Variants in AIFM3 observed in about 807,000 individuals in gnomAD.
AIFM3 encodes the protein AIF family member 3, also known as apoptosis-inducing factor 3.
A neutral mutation model predicts 82.7 loss-of-function variants in AIFM3; 71 were observed. That is an observed-to-expected ratio of 0.86 (90% CI 0.71 to 1.05). The LOEUF is 1.05. AIFM3 is among the 50% of genes least tolerant of loss of function. The probability of loss-of-function intolerance (pLI) is 0.00; values close to 1 mark genes in which losing one functional copy is unlikely to be tolerated. For synonymous variants in AIFM3, 337 were observed against 329.1 expected (o/e 1.02, Z -0.26); for missense variants, 748 against 816.7 (o/e 0.92, Z 1.03).
chr22:20,972,780 C>G (rs1182291388), intron 2 of AIFM3, among the ~76,000 whole-genome samples: 1 of 152,146 alleles, frequency 6.6e-6, no homozygotes, highest in Non-Finnish European at 1.5e-5. Context: ...TGTGGTAGCT[C>G]AAGCCTGTAA....
Position 20,979,366 on chromosome 22 carries a change from G to T in AIFM3, c.1573G>T (p.Ala525Ser), listed in dbSNP as rs993896789. 1.3e-6 allele frequency: 2 copies of T among 1,552,958 alleles called. No individual in the cohort carries two copies. Among genetic ancestry groups the T allele is most frequent in the Non-Finnish European group, 1.7e-6 (2 of 1,148,326 alleles). Reference protein sequence around the residue: ...TAMFGKSLRYAGYGEGFDDVI... With the variant: ...TAMFGKSLRYSGYGEGFDDVI... ...CATGTTTGGCAAGAGCCTGCGCTAC[G>T]CGGGTAACCCCGGGGCCTCGGATGG... The change falls in exon 17 of 21, where the codon GCG (alanine) becomes TCG (serine). Residue 525 changes from alanine to serine, a missense_variant. Ala to Ser is a moderately conservative substitution (Grantham distance 99, BLOSUM62 1). Transcript: ENST00000440238.
In AIFM3 at chr22:20,977,889, T is replaced by C; in HGVS notation, c.1361T>C (p.Met454Thr). The change falls in exon 16 of 21, where the codon ATG becomes ACG. Residue 454 changes from methionine to threonine, a missense_variant and splice_region_variant. Transcript: ENST00000440238. ...GAGCTCTGGGCCCTCTCTCTACAGA[T>C]GATGCAGACCAATGTCCCAGGCGTG... is the stretch of plus-strand genomic sequence containing the variant. ...DSRGFIPVNK[M>T]MQTNVPGVFA... is the part of the protein sequence containing the mutation. The C allele has an allele frequency of 6.2e-7, 1 of 1,614,170 alleles. No homozygotes were observed. The highest frequency in any genetic ancestry group is 8.5e-7 in the Non-Finnish European group (1 of 1,180,014).
chr22:20,968,612 G>C (rs1923070342), intron 2 of AIFM3, among the ~76,000 whole-genome samples: 1 of 152,066 alleles, frequency 6.6e-6, no homozygotes, highest in South Asian at 2.1e-4. Flanking sequence ...GGGAGGCCTG[G>C]GTCTTTTCTC....
rs114219271 is a variant in AIFM3 at position 20,973,648 on chromosome 22, G to A, written c.246-110G>A. 0.012 allele frequency: 16,157 copies of A among 1,402,298 alleles called. 1,554 individuals carry two copies. The African/African-American group carries it at 0.21, about 18-fold the overall frequency. The allele number at this position is 1,402,298 out of a possible 1,614,324, so 86.9% of individuals were successfully genotyped here. On this transcript the variant is annotated intron_variant, in intron 3 of 20. Transcript: ENST00000440238. ...AGCTGCTGCCCTGGTCACTGCCTTT[G>A]TGGCTTCTACCGGTCTGGGCCTGCT...
At chr22:20,978,212 TCA>T (rs1923825821) in intron 16 of AIFM3, among the ~76,000 whole-genome samples, 1 of 150,228 alleles carries the variant, frequency 6.7e-6, no homozygotes, top group Non-Finnish European at 1.5e-5. Flanking sequence ...CTCCTCAATC[TCA>T]GTTTTCCTTC....
In AIFM3 at chr22:20,976,517, G is replaced by A. The variant is rs200032972; in HGVS notation, c.1009G>A (p.Val337Ile). 1.4e-4 allele frequency: 231 copies of A among 1,613,646 alleles called. No homozygotes were observed. The highest frequency in any genetic ancestry group is 1.4e-4 in the Non-Finnish European group (164 of 1,180,026). ...VRLARGRNVV[V>I]VGAGFLGMEV... ...GCTGGCCCGAGGCCGCAACGTGGTCGTCGTGGGAGCCGGCTTCCTGGGTGA... is the reference window on the plus strand; with the variant it reads ...GCTGGCCCGAGGCCGCAACGTGGTCATCGTGGGAGCCGGCTTCCTGGGTGA... Residue 337 changes from valine (V) to isoleucine (I), a missense_variant, in exon 11 of 21, where the codon GTC (valine) becomes ATC (isoleucine). Coordinates refer to ENST00000440238, the MANE Select transcript of AIFM3 (RefSeq NM_001386814.1).
intron 2 of AIFM3, 100 bp from the exon 3 acceptor site, chr22:20,973,207 G>A: frequency 1.4e-6 from 2 of 1,381,432 alleles, no homozygotes; most frequent in South Asian, 1.3e-5. Flanking sequence ...GCAGGGCTGA[G>A]CCTCCTGGCA....
At position 20,967,837 on chromosome 22, in the gene AIFM3, C is replaced by T. The variant is rs1350108791; in HGVS notation, c.-108C>T. ...AGCAGCTCCAGCAGGATGGCGGCTCCAGCGTCTCTAAGGCCTGCAGGGGGT... is the reference window on the plus strand; with the variant it reads ...AGCAGCTCCAGCAGGATGGCGGCTCTAGCGTCTCTAAGGCCTGCAGGGGGT... On this transcript the variant is annotated 5_prime_UTR_variant, in exon 2 of 21. Transcript: ENST00000440238. 5.6e-6 allele frequency: 7 copies of T among 1,249,320 alleles called. No individual in the cohort carries two copies. The highest frequency in any genetic ancestry group is 7.0e-6 in the Non-Finnish European group (6 of 855,352). The allele number at this position is 1,249,320 out of a possible 1,614,324, so 77.4% of individuals were successfully genotyped here.
In AIFM3 at chr22:20,976,259, T is replaced by C; in HGVS notation, c.852T>C (p.Asp284=). ...DVRTKKVVFK[D]GFKLEYSKLL... is the part of the protein sequence containing the mutation. Reference sequence around the variant, plus strand: ...GAACTAAGAAGGTCGTGTTCAAGGATGGCTTCAAGCTGGAGTACAGCAAGC... The same window carrying C: ...GAACTAAGAAGGTCGTGTTCAAGGACGGCTTCAAGCTGGAGTACAGCAAGC... Residue 284 remains aspartate, a synonymous_variant, in exon 10 of 21, where the codon GAT becomes GAC. Coordinates refer to ENST00000440238, the MANE Select transcript of AIFM3 (RefSeq NM_001386814.1). 1 of 1,614,042 alleles carries C rather than the reference T, an allele frequency of 6.2e-7. No individual in the cohort carries two copies.
rs1180840196 is a variant in AIFM3 at position 20,973,463 on chromosome 22, G to T, written c.188G>T (p.Ser63Ile). 6.2e-7 allele frequency: 1 copy of T among 1,613,156 alleles called. No individual in the cohort carries two copies. Among genetic ancestry groups the T allele is most frequent in the Admixed American group, 1.7e-5 (1 of 60,026 alleles). ...ERLSTPHPYPSPQDCVEAAVC... is the reference protein window; with the variant it reads ...ERLSTPHPYPIPQDCVEAAVC... The stretch of plus-strand genomic sequence containing the variant: ...CTGTCCACCCCTCACCCCTACCCCA[G>T]CCCTCAGGATTGCGTGGAGGCTGCT... The change falls in exon 3 of 21, where the codon AGC (serine) becomes ATC (isoleucine). Residue 63 changes from serine (S) to isoleucine (I), a missense_variant. By Grantham distance (142) the Ser-to-Ile change is moderately radical (BLOSUM62 -2). Transcript: ENST00000440238.
intron 2 of AIFM3, among the ~76,000 whole-genome samples, chr22:20,968,798 C>T (rs1923082597): frequency 6.6e-6 from 1 of 151,012 alleles, no homozygotes; most frequent in Non-Finnish European, 1.5e-5. Context: ...GCCACGCTGC[C>T]CCAGCCAGCT....
rs765969561 is a variant in AIFM3, at chr22:20,974,862, G to C, written c.720+46G>C. On this transcript the variant is annotated intron_variant, in intron 8 of 20. Transcript: ENST00000440238. The stretch of plus-strand genomic sequence containing the variant: ...AGGGACCCTATCCCTCTGGGTCCCA[G>C]TTAAGCCCACTTCAAGCCTTGCTTG... 12 of 1,590,874 alleles carry C rather than the reference G, an allele frequency of 7.5e-6. No individual in the cohort carries two copies. In the Admixed American group the frequency reaches 1.9e-4, roughly 25 times the overall value.
At chr22:20,972,126 C>T (rs573183766) in intron 2 of AIFM3, among the ~76,000 whole-genome samples, 2 of 152,302 alleles carry the variant, frequency 1.3e-5, no homozygotes, top group Admixed American at 6.5e-5. Flanking sequence ...GAAATCGGGC[C>T]GGGAGTGGTG....
At chr22:20,980,590 A>G (rs8137006) in intron 19 of AIFM3, 157 bp from the exon 20 acceptor site, 1 of 865,376 alleles carries the variant, frequency 1.2e-6, no homozygotes, top group Non-Finnish European at 1.9e-6. Context: ...TCTGGGAGAG[A>G]GCTCCCAGGG....
intron 2 of AIFM3, among the ~76,000 whole-genome samples, chr22:20,971,570 G>A (rs913467673): frequency 5.3e-5 from 8 of 152,234 alleles, no homozygotes; most frequent in Non-Finnish European, 1.0e-4. Context: ...GACAGCTCAG[G>A]CAAAGGCCTG....
At chr22:20,972,416 A>G (rs1299751012) in intron 2 of AIFM3, among the ~76,000 whole-genome samples, 52 of 151,992 alleles carry the variant, frequency 3.4e-4, no homozygotes, top group Admixed American at 2.9e-3. Flanking sequence ...AAAAAAAAAA[A>G]AAGAAGAAGT....
chr22:20,975,750 A>T lies in AIFM3; in HGVS notation c.779A>T (p.Tyr260Phe). 1 of 1,613,488 alleles carries T rather than the reference A, an allele frequency of 6.2e-7. No homozygotes were observed. Among genetic ancestry groups the T allele is most frequent in the Non-Finnish European group, 8.5e-7 (1 of 1,179,996 alleles). ...ALRPKEFFRA[Y>F]GIEVLTEAQV... ...AGGCCCAAGGAGTTTTTCCGAGCCT[A>T]TGGCATCGAGGTGCTCACCGAGGCT... The change falls in exon 9 of 21, where the codon TAT becomes TTT. Residue 260 changes from tyrosine to phenylalanine, a missense_variant. Physicochemically the swap from Tyr to Phe is conservative, Grantham distance 22. Coordinates refer to ENST00000440238, the MANE Select transcript of AIFM3 (RefSeq NM_001386814.1).
Position 20,977,076 on chromosome 22 carries a change from C to T in AIFM3, c.1263C>T (p.Asp421=), listed in dbSNP as rs925084399. 4.3e-6 allele frequency: 7 copies of T among 1,614,038 alleles called. No individual in the cohort carries two copies. Among genetic ancestry groups the T allele is most frequent in the African/African-American group, 2.7e-5 (2 of 74,926 alleles). ...AGAGCAGCAAGGTCGTGCGGGCTGA[C>T]GTCTGCGTGGTGGGCATTGGTGAGT... ...VLKSSKVVRA[D]VCVVGIGAVP... Residue 421 remains aspartate (D), a synonymous_variant, in exon 14 of 21, where the codon GAC becomes GAT. Coordinates refer to ENST00000440238, the MANE Select transcript of AIFM3 (RefSeq NM_001386814.1).
chr22:20,977,199 C>T (rs1923743027), intron 14 of AIFM3, 104 bp downstream of exon 14: 1 of 1,493,934 alleles, frequency 6.7e-7, no homozygotes, highest in Non-Finnish European at 9.2e-7. Flanking sequence ...CCTCAGTTTC[C>T]ACCACATCTG....
Sources: allele counts gnomAD v4.1 joint callset (sites outside exome capture counted in the v4.1 genomes callset), GRCh38; gene constraint gnomAD v4.1.1; transcripts MANE v1.5; gene names NCBI Gene and HGNC (gene_info 2026-07-23, HGNC 2026-07-21).